Variants in SLC12A3 observed in about 807,000 individuals in gnomAD.
SLC12A3 encodes Na-Cl cotransporter.
A neutral mutation model predicts 121.0 loss-of-function variants in SLC12A3; 104 were observed. The ratio of observed to expected loss-of-function variants is 0.86; its 90% CI spans 0.73 to 1.01. SLC12A3 has a LOEUF of 1.01. Among genes scored for constraint, SLC12A3 ranks in the 50% least tolerant of loss-of-function variants. The pLI, the probability that SLC12A3 is intolerant of heterozygous loss-of-function variation, is 0.00. For missense variants in SLC12A3, 1,328 were observed against 1,356.3 expected (o/e 0.98, Z 0.33); for synonymous variants, 536 against 533.4 (o/e 1.00, Z -0.07).
chr16:56,903,009 C>T (rs1657124605), intron 24 of SLC12A3, among the ~76,000 whole-genome samples: 1 of 152,004 alleles, frequency 6.6e-6, no homozygotes, highest in South Asian at 2.1e-4. Flanking sequence ...ATTAGCTGGG[C>T]ATGGTGGCAG....
At position 56,872,487 on chromosome 16, in the gene SLC12A3, C is replaced by T. The variant is rs199530195; in HGVS notation, c.964+25C>T. The T allele has an allele frequency of 5.0e-6, 8 of 1,602,040 alleles. No individual in the cohort carries two copies. The African/African-American group carries it at 5.3e-5, about 11-fold the overall frequency. On this transcript the variant is annotated intron_variant, in intron 7 of 25. Coordinates refer to ENST00000563236, the MANE Select transcript of SLC12A3 (RefSeq NM_001126108.2). ...GGTATGTGCTGATCAAGGCCCTGACCATGGCTCTGGGGACAGGGACTCTCT... is the reference window on the plus strand; with the variant it reads ...GGTATGTGCTGATCAAGGCCCTGACTATGGCTCTGGGGACAGGGACTCTCT...
intron 20 of SLC12A3, among the ~76,000 whole-genome samples, 186 bp from the exon 21 acceptor site, chr16:56,892,767 G>A (rs1041223070): frequency 6.6e-6 from 1 of 152,194 alleles, no homozygotes; most frequent in African/African-American, 2.4e-5. Flanking sequence ...CCAGAATCCC[G>A]GGAGAGAGAA....
intron 24 of SLC12A3, among the ~76,000 whole-genome samples, chr16:56,903,952 C>T (rs187721921): frequency 1.6e-3 from 243 of 152,318 alleles, no homozygotes; most frequent in African/African-American, 4.1e-3. Flanking sequence ...GGCCCTCTGC[C>T]GGGTGCTTTT....
chr16:56,875,966 A>G (rs2055159038), intron 8 of SLC12A3, among the ~76,000 whole-genome samples: 1 of 151,578 alleles, frequency 6.6e-6, no homozygotes, highest in African/African-American at 2.4e-5. Context: ...TTGTGTTTTC[A>G]CCACAAATTG....
intron 22 of SLC12A3, among the ~76,000 whole-genome samples, chr16:56,898,946 G>A (rs12597133): frequency 0.093 from 14,229 of 152,214 alleles, 803 homozygotes; most frequent in Admixed American, 0.13. Context: ...CAGACCAGCC[G>A]AATCAGAATC....
rs1316459847 is a variant in SLC12A3, at chr16:56,886,380, C to T, written c.1942C>T (p.Leu648Phe). Residue 648 changes from leucine to phenylalanine, a missense_variant, in exon 16 of 26, where the codon CTC (leucine) becomes TTC (phenylalanine). Leu to Phe is a conservative substitution (Grantham distance 22). Coordinates refer to ENST00000563236, the MANE Select transcript of SLC12A3 (RefSeq NM_001126108.2). Reference protein sequence around the residue: ...IKNYRPQCLVLTGPPNFRPAL... With the variant: ...IKNYRPQCLVFTGPPNFRPAL... ...CCTCCTCAGCCCCCAGTGCCTGGTG[C>T]TCACGGGGCCCCCCAACTTCCGCCC... The T allele has an allele frequency of 3.1e-6, 5 of 1,613,886 alleles. No homozygotes were observed. Among genetic ancestry groups the T allele is most frequent in the Non-Finnish European group, 4.2e-6 (5 of 1,179,962 alleles).
intron 13 of SLC12A3, among the ~76,000 whole-genome samples, chr16:56,883,209 T>A (rs1349727902): frequency 6.6e-6 from 1 of 151,982 alleles, no homozygotes; most frequent in Non-Finnish European, 1.5e-5. Context: ...AGATTTCATA[T>A]ATTTGCATGT....
At chr16:56,881,079 G>T (rs554914636) in intron 12 of SLC12A3, among the ~76,000 whole-genome samples, 9 of 152,240 alleles carry the variant, frequency 5.9e-5, no homozygotes, top group African/African-American at 2.2e-4. Context: ...CCAAGCACGG[G>T]CAGTGGCCAT....
Position 56,894,643 on chromosome 16 carries a change from GT to G in SLC12A3, c.2633+2del. ...ACAGGATGGACCAGGAGAGAAAGGC[GT>G]AAGTGTGGAGGGCTGGCCTGGGGGT... On this transcript the variant is annotated splice_donor_variant, in intron 22 of 25. Coordinates refer to ENST00000563236, the MANE Select transcript of SLC12A3 (RefSeq NM_001126108.2). LOFTEE classifies it high-confidence loss of function. 1 of 1,611,906 alleles carries G rather than the reference GT, an allele frequency of 6.2e-7. No individual in the cohort carries two copies. The highest frequency in any genetic ancestry group is 8.5e-7 in the Non-Finnish European group (1 of 1,178,098).
intron 1 of SLC12A3, 96 bp downstream of exon 1, chr16:56,865,613 T>C (rs970328072): frequency 1.4e-6 from 2 of 1,379,778 alleles, no homozygotes; most frequent in Non-Finnish European, 2.0e-6. Context: ...ATCTGTGCCA[T>C]GGGGATGGAG....
At chr16:56,904,883 CAG>C (rs2055586383) in intron 25 of SLC12A3, 1 of 331,708 alleles carries the variant, frequency 3.0e-6, no homozygotes, top group Non-Finnish European at 5.9e-6. Flanking sequence ...GCAACAGAAA[CAG>C]AGGCCTGTCC....
chr16:56,900,429 G>A (rs1309468310), intron 23 of SLC12A3, among the ~76,000 whole-genome samples: 1 of 152,180 alleles, frequency 6.6e-6, no homozygotes, highest in Non-Finnish European at 1.5e-5. Flanking sequence ...CTTGCGAAAG[G>A]CTGGCCTTGA....
In SLC12A3 at chr16:56,882,447, A is replaced by C; in HGVS notation, c.1619A>C (p.Tyr540Ser). 1 of 1,613,996 alleles carries C rather than the reference A, an allele frequency of 6.2e-7. No homozygotes were observed. The highest frequency in any genetic ancestry group is 8.5e-7 in the Non-Finnish European group (1 of 1,179,998). ...PIISNFFLCS[Y>S]ALINFSCFHA... ...ATTTCCAACTTCTTCCTCTGCTCCT[A>C]TGCCCTCATCAACTTCAGCTGCTTC... Residue 540 changes from tyrosine (Y) to serine (S), a missense_variant, in exon 13 of 26, where the codon TAT (tyrosine) becomes TCT (serine). Physicochemically the swap from Tyr to Ser is moderately radical, Grantham distance 144 (BLOSUM62 -2). Coordinates refer to ENST00000563236, the MANE Select transcript of SLC12A3 (RefSeq NM_001126108.2).
Position 56,879,065 on chromosome 16 carries a change from C to T in SLC12A3, c.1181-8C>T. On this transcript the variant is annotated splice_polypyrimidine_tract_variant and splice_region_variant and intron_variant, in intron 9 of 25. Transcript: ENST00000563236. ...CAGACCTCCCCATGCTCTCCTTCCT[C>T]CTCTCAGGCTCCTGCGTGGTGCGTG... The T allele has an allele frequency of 6.2e-7, 1 of 1,604,658 alleles. No individual in the cohort carries two copies. Among genetic ancestry groups the T allele is most frequent in the Non-Finnish European group, 8.5e-7 (1 of 1,176,302 alleles).
intron 8 of SLC12A3, among the ~76,000 whole-genome samples, chr16:56,874,746 A>G (rs577542086): frequency 6.6e-6 from 1 of 152,340 alleles, no homozygotes; most frequent in South Asian, 2.1e-4. Context: ...CGGAGGTTGC[A>G]GTGAGCCAAG....
At chr16:56,887,685 G>A (rs915960350) in intron 17 of SLC12A3, among the ~76,000 whole-genome samples, 8 of 149,628 alleles carry the variant, frequency 5.3e-5, no homozygotes, top group African/African-American at 2.0e-4. Context: ...AACTAGAATC[G>A]AGGATTCTGG....
intron 7 of SLC12A3, 84 bp from the exon 8 acceptor site, chr16:56,872,572 T>C: frequency 6.2e-7 from 1 of 1,604,324 alleles, no homozygotes; most frequent in Non-Finnish European, 8.5e-7. Context: ...AATCCCATGG[T>C]CAGGGGCTGC....
intron 18 of SLC12A3, among the ~76,000 whole-genome samples, 178 bp from the exon 19 acceptor site, chr16:56,890,096 C>T (rs1251404420): frequency 1.3e-5 from 2 of 152,150 alleles, no homozygotes; most frequent in Admixed American, 6.5e-5. Flanking sequence ...CTGGAGGAGT[C>T]CTGGGGTACT....
At chr16:56,912,868 G>A (rs141803027) in intron 25 of SLC12A3, among the ~76,000 whole-genome samples, 1 of 152,302 alleles carries the variant, frequency 6.6e-6, no homozygotes, top group African/African-American at 2.4e-5. Context: ...GTGACCAGGT[G>A]CAGAGCTGGG....
Sources: allele counts gnomAD v4.1 joint callset (sites outside exome capture counted in the v4.1 genomes callset), GRCh38; gene constraint gnomAD v4.1.1; transcripts MANE v1.5; gene names NCBI Gene and HGNC (gene_info 2026-07-23, HGNC 2026-07-21).